Variants in GUK1 observed in about 807,000 individuals in gnomAD.
The protein encoded by GUK1 is guanylate kinase.
A neutral mutation model predicts 25.2 loss-of-function variants in GUK1; 18 were observed. That is an observed-to-expected ratio of 0.71 (90% CI 0.49 to 1.06). The LOEUF (loss-of-function observed/expected upper bound fraction) is 1.06, where lower values mean the gene tolerates loss of function less well. Ranked by LOEUF, GUK1 falls within the 50% of genes least tolerant of loss-of-function variation. The probability of loss-of-function intolerance (pLI) is 0.00; values close to 1 mark genes in which losing one functional copy is unlikely to be tolerated. For missense variants in GUK1, 261 were observed against 276.7 expected, an observed-to-expected ratio of 0.94 and a Z score of 0.40; for synonymous variants, 105 against 117.6, an observed-to-expected ratio of 0.89 and a Z score of 0.69.
At chr1:228,142,889 C>T (rs1035480554) in intron 2 of GUK1, among the ~76,000 whole-genome samples, 2 of 151,714 alleles carry the variant, frequency 1.3e-5, no homozygotes, top group Admixed American at 1.3e-4. Flanking sequence ...TCTGAGGACG[C>T]AAAAACTCCC....
At chr1:228,146,522 G>C (rs571165920) in intron 4 of GUK1, 9 of 439,302 alleles carry the variant, frequency 2.0e-5, no homozygotes, top group South Asian at 8.5e-5. Context: ...GTAACCTGAC[G>C]GTCTCCAGTT....
rs766247168 is a variant in GUK1 at position 228,146,918 on chromosome 1, G to A, written c.231G>A (p.Ser77=). The change falls in exon 5 of 9, where the codon TCG becomes TCA. Residue 77 remains serine (S), a synonymous_variant. Transcript: ENST00000312726. The stretch of plus-strand genomic sequence containing the variant: ...ACTTCATCGAGCATGCCGAGTTCTC[G>A]GGGAACCTGTATGGCACGAGGTGGG... The A allele has an allele frequency of 2.2e-5, 35 of 1,613,070 alleles. No individual in the cohort carries two copies. Among genetic ancestry groups the A allele is most frequent in the Non-Finnish European group, 2.7e-5 (32 of 1,179,238 alleles).
chr1:228,143,350 AT>A (rs1472771057), intron 2 of GUK1, among the ~76,000 whole-genome samples: 1 of 152,186 alleles, frequency 6.6e-6, no homozygotes, highest in Non-Finnish European at 1.5e-5. Flanking sequence ...CCACAGGACC[AT>A]TTGAGTAGCT....
chr1:228,141,399 G>A, intron 2 of GUK1: 1 of 406,966 alleles, frequency 2.5e-6, no homozygotes, highest in Non-Finnish European at 3.3e-6. Flanking sequence ...CAGGATGCGT[G>A]CTACCCGGAT....
intron 7 of GUK1, chr1:228,148,013 A>G: frequency 5.2e-6 from 3 of 580,098 alleles, no homozygotes; most frequent in Non-Finnish European, 6.1e-6. Context: ...CGGGGGTGTC[A>G]TGTGCATCCT....
intron 2 of GUK1, chr1:228,145,258 C>T (rs2034301497): frequency 6.3e-6 from 2 of 318,004 alleles, no homozygotes; most frequent in South Asian, 6.0e-5. Flanking sequence ...CTGCTGAGAA[C>T]CCAGTAAAGC....
chr1:228,147,785 C>T, intron 7 of GUK1, 86 bp downstream of exon 6: 1 of 1,163,084 alleles, frequency 8.6e-7, no homozygotes, highest in Non-Finnish European at 1.2e-6. Context: ...TGTGGGTCCC[C>T]AGACCTCCTG....
At chr1:228,140,240 G>A, upstream of GUK1, 1 of 1,362,052 alleles carries the variant, frequency 7.3e-7, no homozygotes, top group Non-Finnish European at 1.0e-6. Context: ...TCTCGCGCGC[G>A]GGCGGAGGTG....
chr1:228,147,042 G>C (rs1571896186), intron 5 of GUK1, 104 bp downstream of exon 4: 1 of 816,974 alleles, frequency 1.2e-6, no homozygotes, highest in East Asian at 2.5e-5. Flanking sequence ...CCACCCCATG[G>C]TTATGAATGT....
At chr1:228,147,023 C>T (rs1265485886) in intron 5 of GUK1, 85 bp downstream of exon 4, 43 of 875,188 alleles carry the variant, frequency 4.9e-5, no homozygotes, top group Non-Finnish European at 8.2e-5. Context: ...TGCCCGCCAT[C>T]CACACCACCC....
chr1:228,142,050 T>G (rs1436569894), intron 2 of GUK1, among the ~76,000 whole-genome samples: 2 of 152,196 alleles, frequency 1.3e-5, no homozygotes, highest in African/African-American at 4.8e-5. Flanking sequence ...TTTTCTCCCT[T>G]GGGTGTGCTC....
chr1:228,143,863 A>C (rs1218244861), intron 2 of GUK1, among the ~76,000 whole-genome samples: 3 of 152,160 alleles, frequency 2.0e-5, no homozygotes, highest in Non-Finnish European at 2.9e-5. Flanking sequence ...TTGTGACAAA[A>C]AGCCCAGAAG....
intron 7 of GUK1, 160 bp downstream of exon 6, chr1:228,147,859 G>T (rs748269234): frequency 6.3e-6 from 4 of 629,960 alleles, no homozygotes; most frequent in African/African-American, 3.7e-5. Context: ...TAGAGTCCCC[G>T]TGAGGGTCCC....
At chr1:228,144,384 C>T (rs975795318) in intron 2 of GUK1, 13 of 152,392 alleles carry the variant, frequency 8.5e-5, no homozygotes, top group Non-Finnish European at 1.6e-4. Flanking sequence ...ATCCGCTTCC[C>T]TCTAGCCCAG....
At position 228,148,759 on chromosome 1, in the gene GUK1, A is replaced by G; in HGVS notation, c.*62A>G. On this transcript the variant is annotated 3_prime_UTR_variant, in exon 9 of 9. Transcript: ENST00000312726. Reference sequence around the variant, plus strand: ...AGGACCAGGGCAGCAGCATTGAGCCACCCCCTTGGCAGGCGATACGGCAGC... The same window carrying G: ...AGGACCAGGGCAGCAGCATTGAGCCGCCCCCTTGGCAGGCGATACGGCAGC... 1 of 1,611,106 alleles carries G rather than the reference A, an allele frequency of 6.2e-7. No homozygotes were observed. Among genetic ancestry groups the G allele is most frequent in the Non-Finnish European group, 8.5e-7 (1 of 1,179,460 alleles).
At chr1:228,146,150 C>A in intron 4 of GUK1, 83 bp downstream of exon 3, 2 of 899,688 alleles carry the variant, frequency 2.2e-6, no homozygotes, top group Non-Finnish European at 3.7e-6. Context: ...GGCTGTGCTG[C>A]CCGTCTCCTG....
At chr1:228,148,114 C>A in intron 7 of GUK1, 2 of 604,808 alleles carry the variant, frequency 3.3e-6, no homozygotes, top group South Asian at 1.9e-5. Context: ...GATAGTGTAG[C>A]CCCTAACCAG....
chr1:228,145,854 G>C, intron 3 of GUK1, 172 bp from the exon 3 acceptor site: 4 of 705,578 alleles, frequency 5.7e-6, no homozygotes, highest in Non-Finnish European at 9.9e-6. Context: ...CTGGGCCACA[G>C]TGTTTCTTTC....
chr1:228,141,218 C>A lies in GUK1; in HGVS notation c.-73C>A. 1 of 984,820 alleles carries A rather than the reference C, an allele frequency of 1.0e-6. No individual in the cohort carries two copies. The highest frequency in any genetic ancestry group is 1.2e-6 in the Non-Finnish European group (1 of 829,356). 61.0% of individuals were successfully genotyped at this position (984,820 alleles called of 1,614,324 possible). A position where few individuals can be genotyped will look rare whatever the true frequency, so the allele number is the denominator to read the frequency against. On this transcript the variant is annotated 5_prime_UTR_variant, in exon 2 of 9. Coordinates refer to ENST00000312726, the MANE Select transcript of GUK1 (RefSeq NM_000858.7). ...CCCTGATGGACAGACCCAAACATAGCCGCGCAGCATCGTGAAGGGCTGGGG... is the reference window on the plus strand; with the variant it reads ...CCCTGATGGACAGACCCAAACATAGACGCGCAGCATCGTGAAGGGCTGGGG...
Sources: gnomAD v4.1 joint callset for allele counts (sites outside exome capture counted in the v4.1 genomes callset) on GRCh38, gnomAD v4.1.1 for gene constraint, MANE v1.5 for transcripts, NCBI Gene and HGNC (gene_info 2026-07-23, HGNC 2026-07-21) for gene names.